Variants in BRCC3 observed in about 807,000 individuals in gnomAD.
BRCC3 encodes BRCA1/BRCA2-containing complex subunit 3.
Under a neutral mutation model 28.0 loss-of-function variants are expected in BRCC3, and 15 were observed. The observed-to-expected ratio is 0.54, with a 90% CI of 0.36 to 0.82. The LOEUF (loss-of-function observed/expected upper bound fraction) is 0.82, where lower values mean the gene tolerates loss of function less well. BRCC3 is among the 40% of genes least tolerant of loss of function. The probability of loss-of-function intolerance (pLI) is 0.01; values close to 1 mark genes in which losing one functional copy is unlikely to be tolerated. For synonymous variants in BRCC3, 66 were observed against 80.3 expected (o/e 0.82, Z 0.95); for missense variants, 109 against 225.9 (o/e 0.48, Z 3.32).
chrX:155,093,869 C>T (rs1476020946), intron 7 of BRCC3, among the ~76,000 whole-genome samples: 3 of 109,331 alleles, frequency 2.7e-5, no homozygotes, highest in Non-Finnish European at 3.8e-5. Flanking sequence ...GTTCTAGTTT[C>T]GGCTTTTTAA....
intron 7 of BRCC3, among the ~76,000 whole-genome samples, chrX:155,096,895 A>G (rs1479904623): frequency 8.0e-5 from 9 of 112,537 alleles, no homozygotes; most frequent in African/African-American, 2.9e-4. Context: ...TGTCAGGAAT[A>G]TTCAATGGGA....
intron 5 of BRCC3, among the ~76,000 whole-genome samples, chrX:155,086,113 C>T (rs920487935): frequency 9.0e-6 from 1 of 111,188 alleles, no homozygotes; most frequent in Admixed American, 9.5e-5. Context: ...AAATCATGAA[C>T]GTCCCGTCTG....
chrX:155,073,069 C>T (rs1029322420), intron 2 of BRCC3, among the ~76,000 whole-genome samples: 6 of 111,725 alleles, frequency 5.4e-5, no homozygotes, highest in Admixed American at 9.4e-5. Context: ...TGAAACCTTT[C>T]GGTAACATTT....
rs1437924618 is a variant in BRCC3, at chrX:155,108,739, A to G, written c.549-7318A>G. Among the ~76,000 whole-genome samples, 12 of 111,704 alleles carry G rather than the reference A, an allele frequency of 1.1e-4. No homozygotes were observed. The Admixed American group carries it at 1.1e-3, about 11-fold the overall frequency. On this transcript the variant is annotated intron_variant, in intron 7 of 10. Coordinates refer to ENST00000330045, the MANE Select transcript of BRCC3 (RefSeq NM_001018055.3). ...TTTCTTTAACTTTCTTAGTACTTCAAAAGAATTCCAGTATGTTCTGGATAC... is the reference window on the plus strand; with the variant it reads ...TTTCTTTAACTTTCTTAGTACTTCAGAAGAATTCCAGTATGTTCTGGATAC...
intron 5 of BRCC3, among the ~76,000 whole-genome samples, chrX:155,086,953 C>T (rs2074134833): frequency 8.9e-6 from 1 of 112,054 alleles, no homozygotes; most frequent in Admixed American, 9.4e-5. Flanking sequence ...GGGCTTTTCA[C>T]TCAGAGAGAA....
At chrX:155,083,038 G>A (rs782559133) in intron 5 of BRCC3, among the ~76,000 whole-genome samples, 11 of 112,172 alleles carry the variant, frequency 9.8e-5, no homozygotes, top group Non-Finnish European at 9.4e-5. Context: ...CTTTGTCAGC[G>A]TCTCCCATCT....
chrX:155,116,840 G>C, intron 9 of BRCC3, 86 bp downstream of exon 9: 1 of 683,598 alleles, frequency 1.5e-6, no homozygotes, highest in South Asian at 2.7e-5. Context: ...TAGTTTAAGT[G>C]AGTGAAGTGA....
At chrX:155,112,840 G>A (rs781789856) in intron 7 of BRCC3, among the ~76,000 whole-genome samples, 6 of 111,668 alleles carry the variant, frequency 5.4e-5, no homozygotes, top group South Asian at 3.7e-4. Context: ...TTTTATTTCC[G>A]TATACTAACA....
At chrX:155,089,606 AT>A (rs1483960147) in intron 6 of BRCC3, among the ~76,000 whole-genome samples, 1 of 111,776 alleles carries the variant, frequency 8.9e-6, no homozygotes, top group African/African-American at 3.3e-5. Context: ...TTCAGGAAAC[AT>A]CAAGGAAGTT....
intron 3 of BRCC3, among the ~76,000 whole-genome samples, chrX:155,074,807 C>A (rs782075342): frequency 2.4e-3 from 269 of 111,528 alleles, no homozygotes; most frequent in Middle Eastern, 9.4e-3. Flanking sequence ...TATTTTTAGC[C>A]TTTCTGTATA....
At chrX:155,076,631 T>C (rs961476706) in intron 3 of BRCC3, among the ~76,000 whole-genome samples, 1 of 110,951 alleles carries the variant, frequency 9.0e-6, no homozygotes, top group Non-Finnish European at 1.9e-5. Flanking sequence ...CACACTATTA[T>C]GAGAACAGCG....
chrX:155,090,769 T>C lies in BRCC3; in HGVS notation c.493-15T>C, dbSNP rs376602251. On this transcript the variant is annotated splice_polypyrimidine_tract_variant and intron_variant, in intron 6 of 10. Coordinates refer to ENST00000330045, the MANE Select transcript of BRCC3 (RefSeq NM_001018055.3). ...CTTTGTGTGATATTTCTTTCTTTCT[T>C]TTTTCCTTTGATAGACTGGCCGGGT... 20 of 1,175,142 alleles carry C rather than the reference T, an allele frequency of 1.7e-5. 1 individual carries two copies. In the African/African-American group the frequency reaches 1.8e-4, roughly 10 times the overall value.
chrX:155,100,807 G>C (rs1261675102), intron 7 of BRCC3, among the ~76,000 whole-genome samples: 3 of 111,606 alleles, frequency 2.7e-5, no homozygotes, highest in Non-Finnish European at 5.6e-5. Context: ...ACCAACCCTG[G>C]ATCAAAAATA....
At chrX:155,076,533 G>C (rs892199820) in intron 3 of BRCC3, among the ~76,000 whole-genome samples, 1 of 111,508 alleles carries the variant, frequency 9.0e-6, no homozygotes, top group Non-Finnish European at 1.9e-5. Context: ...GGGAAGCAAG[G>C]CATATCTTAC....
chrX:155,118,289 A>G (rs1315372127), intron 9 of BRCC3, among the ~76,000 whole-genome samples: 2 of 97,012 alleles, frequency 2.1e-5, no homozygotes, highest in Non-Finnish European at 4.3e-5. Flanking sequence ...TCTCAAGAAC[A>G]TTATGCCAGG....
At chrX:155,089,742 C>T (rs781878496) in intron 6 of BRCC3, among the ~76,000 whole-genome samples, 2 of 111,829 alleles carry the variant, frequency 1.8e-5, no homozygotes, top group African/African-American at 3.3e-5. Context: ...TGAATGATAA[C>T]TCATTTAGTT....
intron 9 of BRCC3, among the ~76,000 whole-genome samples, chrX:155,119,415 A>C (rs185968263): frequency 8.9e-6 from 1 of 112,386 alleles, no homozygotes; most frequent in African/African-American, 3.2e-5. Flanking sequence ...TTGTTTTAAA[A>C]GAGTACCTTA....
intron 5 of BRCC3, among the ~76,000 whole-genome samples, chrX:155,082,729 TAATA>T (rs1386789051): frequency 1.8e-5 from 2 of 112,453 alleles, no homozygotes; most frequent in Non-Finnish European, 3.8e-5. Context: ...TAAGCACATT[TAATA>T]AATACGATCA....
At chrX:155,104,857 C>T (rs1387596406) in intron 7 of BRCC3, among the ~76,000 whole-genome samples, 1 of 112,812 alleles carries the variant, frequency 8.9e-6, no homozygotes, top group Non-Finnish European at 1.9e-5. Flanking sequence ...CAGAATTGCA[C>T]ATATTTAATG....
Sources: gnomAD v4.1 joint callset for allele counts (sites outside exome capture counted in the v4.1 genomes callset) on GRCh38, gnomAD v4.1.1 for gene constraint, MANE v1.5 for transcripts, NCBI Gene and HGNC (gene_info 2026-07-23, HGNC 2026-07-21) for gene names.